RP1: variants seen among roughly 807,000 people sequenced by gnomAD.
RP1 encodes RP1 axonemal microtubule associated.
Under a neutral mutation model 14.8 loss-of-function variants are expected in RP1, and 16 were observed. The ratio of observed to expected loss-of-function variants is 1.08; its 90% CI spans 0.73 to 1.65. The LOEUF is 1.65. RP1 is among the 40% of genes most tolerant of loss of function. RP1 has a pLI of 0.00. For missense variants in RP1, 2,631 were observed against 2,535.0 expected (o/e 1.04, Z -0.81); for synonymous variants, 876 against 883.6 (o/e 0.99, Z 0.15).
chr8:54,633,814 G>A (rs186786049), downstream of RP1, among the ~76,000 whole-genome samples: 462 of 150,872 alleles, frequency 3.1e-3, 3 homozygotes, highest in Non-Finnish European at 5.4e-3. Context: ...AAGTGAAGGT[G>A]ACAAACAGTT....
rs1806136179 is a variant in RP1 at position 54,628,253 on chromosome 8, A to G, written c.4371A>G (p.Ser1457=). ...EPGSITNSMT[S]SERNISELES... is the part of the protein sequence containing the mutation. ...GCTCAATAACCAACAGCATGACATCAAGTGAAAGAAACATTTCAGAATTGG... is the reference window on the plus strand; with the variant it reads ...GCTCAATAACCAACAGCATGACATCGAGTGAAAGAAACATTTCAGAATTGG... Residue 1457 remains serine, a synonymous_variant, in exon 4 of 4, where the codon TCA becomes TCG. Transcript: ENST00000220676. The G allele has an allele frequency of 1.2e-6, 2 of 1,614,010 alleles. No individual in the cohort carries two copies.
At chr8:54,706,948 C>T (rs2375537) in intron 15 of RP1, among the ~76,000 whole-genome samples, 62,493 of 151,758 alleles carry the variant, frequency 0.41, 14,022 homozygotes, top group African/African-American at 0.59. Context: ...TGAGTGTTTA[C>T]GTTTCTAACA....
intron 24 of RP1, among the ~76,000 whole-genome samples, chr8:54,829,384 T>C (rs9650181): frequency 0.31 from 46,487 of 151,940 alleles, 7,316 homozygotes; most frequent in South Asian, 0.37. Flanking sequence ...AAAAATACGG[T>C]TTGTTGAGAA....
chr8:54,646,018 C>G (rs1395227256), intron 3 of RP1, among the ~76,000 whole-genome samples: 1 of 151,994 alleles, frequency 6.6e-6, no homozygotes, highest in Admixed American at 6.6e-5. Context: ...CATCTACTCA[C>G]CCCTTCAACT....
intron 7 of RP1, among the ~76,000 whole-genome samples, chr8:54,670,581 A>G (rs1401963022): frequency 2.2e-5 from 3 of 137,392 alleles, no homozygotes; most frequent in African/African-American, 5.5e-5. Context: ...ATGTATGTAT[A>G]TGTATATATA....
chr8:54,815,750 G>A (rs577621511), intron 24 of RP1, among the ~76,000 whole-genome samples: 3 of 152,020 alleles, frequency 2.0e-5, no homozygotes, highest in African/African-American at 4.8e-5. Flanking sequence ...ATACCAGGCC[G>A]ATATTTTAGA....
chr8:54,831,594 T>C (rs573267376), intron 24 of RP1, among the ~76,000 whole-genome samples: 2 of 151,826 alleles, frequency 1.3e-5, no homozygotes, highest in African/African-American at 4.8e-5. Flanking sequence ...ATTTTATTTC[T>C]ACATATATTA....
intron 25 of RP1, among the ~76,000 whole-genome samples, chr8:54,844,449 T>C (rs536167351): frequency 6.6e-6 from 1 of 152,302 alleles, no homozygotes; most frequent in South Asian, 2.1e-4. Flanking sequence ...TAATGCTGTT[T>C]GCCCCTAATA....
At chr8:54,656,233 C>T in intron 6 of RP1, 2 of 1,529,872 alleles carry the variant, frequency 1.3e-6, no homozygotes, top group East Asian at 5.0e-5. Context: ...AGATTCAACT[C>T]CAGGTAGCAT....
intron 26 of RP1, among the ~76,000 whole-genome samples, chr8:54,853,965 GAGAA>G (rs993862433): frequency 1.4e-5 from 2 of 146,780 alleles, no homozygotes; most frequent in Non-Finnish European, 3.0e-5. Flanking sequence ...AAAGAAAAGA[GAGAA>G]AGAAAGAGAA....
intron 1 of RP1, among the ~76,000 whole-genome samples, chr8:54,584,129 T>C (rs1271477879): frequency 8.5e-5 from 13 of 152,222 alleles, no homozygotes; most frequent in Non-Finnish European, 1.5e-5. Context: ...CTTTCTCTTG[T>C]GGGCATTTAG....
intron 15 of RP1, among the ~76,000 whole-genome samples, chr8:54,717,906 G>C (rs564947733): frequency 1.4e-4 from 22 of 152,042 alleles, no homozygotes; most frequent in Non-Finnish European, 3.2e-4. Flanking sequence ...AATGTACGAG[G>C]CTAATATACA....
chr8:54,567,282 T>G (rs1411333334), intron 1 of RP1, among the ~76,000 whole-genome samples: 3 of 152,198 alleles, frequency 2.0e-5, no homozygotes, highest in Non-Finnish European at 4.4e-5. Flanking sequence ...GCTAAGGGCT[T>G]TCATTATATT....
intron 6 of RP1, among the ~76,000 whole-genome samples, chr8:54,661,597 G>T (rs531577256): frequency 1.3e-5 from 2 of 152,104 alleles, no homozygotes; most frequent in South Asian, 4.1e-4. Context: ...GAGCTGAGGA[G>T]GGAATGGAAT....
At chr8:54,810,880 C>T (rs1810974554) in intron 24 of RP1, among the ~76,000 whole-genome samples, 1 of 152,150 alleles carries the variant, frequency 6.6e-6, no homozygotes, top group South Asian at 2.1e-4. Context: ...CAGGCCAAGC[C>T]TTTGTTTTTG....
chr8:54,791,407 T>G (rs1585695798), intron 24 of RP1, among the ~76,000 whole-genome samples: 1 of 152,228 alleles, frequency 6.6e-6, no homozygotes, highest in East Asian at 1.9e-4. Context: ...TATATGAAAC[T>G]TGTTGTAAAA....
intron 3 of RP1, among the ~76,000 whole-genome samples, chr8:54,640,957 T>G (rs147068785): frequency 3.6e-4 from 52 of 143,680 alleles, no homozygotes; most frequent in Middle Eastern, 3.6e-3. Flanking sequence ...AATATAAATC[T>G]CCTTTTTTTT....
chr8:54,713,470 G>A (rs1808337772), intron 15 of RP1, among the ~76,000 whole-genome samples: 2 of 152,150 alleles, frequency 1.3e-5, no homozygotes, highest in Admixed American at 6.5e-5. Flanking sequence ...ACCAAGATAT[G>A]CACACAGACA....
At chr8:54,844,469 G>C (rs1253927479) in intron 25 of RP1, among the ~76,000 whole-genome samples, 2 of 152,052 alleles carry the variant, frequency 1.3e-5, no homozygotes, top group South Asian at 4.2e-4. Context: ...AAAGGTTGTG[G>C]AGTCCTCTGT....
Sources: allele counts gnomAD v4.1 joint callset (sites outside exome capture counted in the v4.1 genomes callset), GRCh38; gene constraint gnomAD v4.1.1; transcripts MANE v1.5; gene names NCBI Gene and HGNC (gene_info 2026-07-23, HGNC 2026-07-21).